The following SLC24A2 variants were observed in gnomAD, a reference collection of about 807,000 sequenced individuals.
The protein encoded by SLC24A2 is solute carrier family 24 member 2, also known as sodium/potassium/calcium exchanger 2.
A neutral mutation model predicts 62.0 loss-of-function variants in SLC24A2; 36 were observed. The observed-to-expected ratio is 0.58, with a 90% CI of 0.44 to 0.77. The LOEUF (loss-of-function observed/expected upper bound fraction) is 0.77. SLC24A2 is among the 30% of genes least tolerant of loss of function. The probability of loss-of-function intolerance (pLI) is 0.00; values close to 1 mark genes in which losing one functional copy is unlikely to be tolerated. For synonymous variants in SLC24A2, 358 were observed against 294.0 expected (o/e 1.22, Z -2.23); for missense variants, 846 against 817.9 (o/e 1.03, Z -0.42).
At chr9:19,531,791 T>C (rs893003954) in intron 8 of SLC24A2, among the ~76,000 whole-genome samples, 9 of 144,130 alleles carry the variant, frequency 6.2e-5, no homozygotes, top group African/African-American at 2.3e-4. Flanking sequence ...ACCAGCAATG[T>C]GACCTGAGAC....
chr9:19,787,026 T>C lies in SLC24A2; in HGVS notation c.-153-7A>G. ...GAAACTTTCATCATTTATGCTTAAATAAAAATAAAAACGAGAATAAGTAAA... is the reference window on the plus strand; with the variant it reads ...GAAACTTTCATCATTTATGCTTAAACAAAAATAAAAACGAGAATAAGTAAA... On this transcript the variant is annotated splice_polypyrimidine_tract_variant and splice_region_variant and intron_variant, in intron 1 of 10. Transcript: ENST00000341998. 7.3e-7 allele frequency: 1 copy of C among 1,375,586 alleles called. No individual in the cohort carries two copies. The highest frequency in any genetic ancestry group is 9.4e-7 in the Non-Finnish European group (1 of 1,066,450). 85.2% of individuals were successfully genotyped at this position (1,375,586 alleles called of 1,614,324 possible). A position where few individuals can be genotyped will look rare whatever the true frequency, so the allele number is the denominator to read the frequency against.
Position 19,617,590 on chromosome 9 carries a change from G to T in SLC24A2, c.1078+1994C>A, listed in dbSNP as rs1817802619. Reference sequence around the variant, plus strand: ...TGATATTTTCTCCTTGCTTCCCAAAGGATCGTCTTGCATATCTCCTGATCT... The same window carrying T: ...TGATATTTTCTCCTTGCTTCCCAAATGATCGTCTTGCATATCTCCTGATCT... On this transcript the variant is annotated intron_variant, in intron 4 of 10. Coordinates refer to ENST00000341998, the MANE Select transcript of SLC24A2 (RefSeq NM_020344.4). Among the ~76,000 whole-genome samples, 3 of 152,156 alleles carry T rather than the reference G, an allele frequency of 2.0e-5. No homozygotes were observed. In the South Asian group the frequency reaches 6.2e-4, roughly 32 times the overall value.
chr9:20,211,545 A>T, the SLC24A2 span, among the ~76,000 whole-genome samples: 1 of 152,308 alleles, frequency 6.6e-6, no homozygotes, highest in African/African-American at 2.4e-5. Context: ...AATACATGTT[A>T]ATTGCAAAAC....
the SLC24A2 span, among the ~76,000 whole-genome samples, chr9:20,297,226 G>C: frequency 6.6e-6 from 1 of 152,140 alleles, no homozygotes; most frequent in Non-Finnish European, 1.5e-5. Flanking sequence ...AGGTGCTACT[G>C]TGCTCCAGGA....
rs375240887 is a variant in SLC24A2 at position 19,607,548 on chromosome 9, G to A, written c.1079-10269C>T. 1.8e-4 allele frequency among the ~76,000 whole-genome samples: 27 copies of A among 151,806 alleles called. No individual in the cohort carries two copies. The East Asian group carries it at 3.3e-3, about 19-fold the overall frequency. On this transcript the variant is annotated intron_variant, in intron 4 of 10. Transcript: ENST00000341998. Reference sequence around the variant, plus strand: ...CAGCCTGGCCAACATGGCGAAACCCGTCTCTACTAAAAATACAAAAATTAG... The same window carrying A: ...CAGCCTGGCCAACATGGCGAAACCCATCTCTACTAAAAATACAAAAATTAG...
chr9:19,679,838 C>CTGTGTGTG (rs58253967), intron 2 of SLC24A2, among the ~76,000 whole-genome samples: 3,142 of 142,428 alleles, frequency 0.022, 42 homozygotes, highest in Non-Finnish European at 0.028. Context: ...CTCACATATA[C>CTGTGTGTG]TGTGTGTGTG....
the SLC24A2 span, among the ~76,000 whole-genome samples, chr9:19,853,385 C>G: frequency 1.3e-5 from 2 of 152,002 alleles, no homozygotes; most frequent in Non-Finnish European, 2.9e-5. Flanking sequence ...TATCTTGTGC[C>G]GGTTTTCAAG....
At chr9:20,127,026 T>A in the SLC24A2 span, among the ~76,000 whole-genome samples, 1 of 152,046 alleles carries the variant, frequency 6.6e-6, no homozygotes, top group Non-Finnish European at 1.5e-5. Flanking sequence ...CTTCATTTCA[T>A]CTCTTTTTTT....
chr9:20,304,248 C>A, the SLC24A2 span, among the ~76,000 whole-genome samples: 2 of 152,112 alleles, frequency 1.3e-5, no homozygotes, highest in African/African-American at 4.8e-5. Context: ...TCCCTCACTG[C>A]CAACCCACCC....
the SLC24A2 span, among the ~76,000 whole-genome samples, chr9:19,902,698 C>T: frequency 2.0e-5 from 3 of 151,940 alleles, no homozygotes; most frequent in African/African-American, 4.8e-5. Context: ...TATCACATAT[C>T]GATGAATATT....
intron 4 of SLC24A2, among the ~76,000 whole-genome samples, chr9:19,598,024 C>A (rs1006343992): frequency 1.3e-5 from 2 of 152,124 alleles, no homozygotes; most frequent in African/African-American, 2.4e-5. Context: ...ATAATGGAAA[C>A]CCCTGGCAGA....
chr9:19,976,649 A>G, the SLC24A2 span, among the ~76,000 whole-genome samples: 1 of 152,220 alleles, frequency 6.6e-6, no homozygotes, highest in African/African-American at 2.4e-5. Context: ...AGTAATCTAG[A>G]AATGACTTAA....
the SLC24A2 span, among the ~76,000 whole-genome samples, chr9:20,040,391 T>G: frequency 8.2e-4 from 125 of 152,246 alleles, no homozygotes; most frequent in South Asian, 4.8e-3. Flanking sequence ...GATTCCAGCT[T>G]TAGGGTGGGA....
the SLC24A2 span, among the ~76,000 whole-genome samples, chr9:20,010,062 G>A: frequency 2.0e-5 from 3 of 152,158 alleles, no homozygotes; most frequent in Admixed American, 6.5e-5. Context: ...AGCCAGCGGC[G>A]CTCCACCTGA....
chr9:19,604,692 G>C (rs1323670264), intron 4 of SLC24A2, among the ~76,000 whole-genome samples: 1 of 152,114 alleles, frequency 6.6e-6, no homozygotes, highest in African/African-American at 2.4e-5. Context: ...CAAGAGATAA[G>C]AGAAATATGA....
chr9:20,231,825 T>G, the SLC24A2 span, among the ~76,000 whole-genome samples: 7 of 152,102 alleles, frequency 4.6e-5, no homozygotes, highest in Non-Finnish European at 8.8e-5. Flanking sequence ...TTTTCATAGG[T>G]AATGCTTCCA....
chr9:20,281,288 T>A, the SLC24A2 span, among the ~76,000 whole-genome samples: 2 of 152,366 alleles, frequency 1.3e-5, no homozygotes, highest in South Asian at 2.1e-4. Context: ...TTATTTATAC[T>A]TTTTAAGGAA....
At chr9:20,292,907 G>T in the SLC24A2 span, among the ~76,000 whole-genome samples, 1 of 152,302 alleles carries the variant, frequency 6.6e-6, no homozygotes, top group African/African-American at 2.4e-5. Context: ...TCACAGTTAT[G>T]GAGGCTGGAA....
chr9:20,076,880 T>TATATATATATATATATATAC, the SLC24A2 span, among the ~76,000 whole-genome samples: 7 of 120,552 alleles, frequency 5.8e-5, no homozygotes, highest in African/African-American at 2.2e-4. Context: ...TATATATATA[T>TATATATATATATATATATAC]ACATATCATA....
Sources: gnomAD v4.1 joint callset for allele counts (sites outside exome capture counted in the v4.1 genomes callset) on GRCh38, gnomAD v4.1.1 for gene constraint, MANE v1.5 for transcripts, NCBI Gene and HGNC (gene_info 2026-07-23, HGNC 2026-07-21) for gene names.